ARHGAP11A: variants seen among roughly 807,000 people sequenced by gnomAD.
ARHGAP11A encodes the protein Rho GTPase activating protein 11A, also known as rho GTPase-activating protein 11A.
A neutral mutation model predicts 60.5 loss-of-function variants in ARHGAP11A; 36 were observed. That is an observed-to-expected ratio of 0.59 (90% CI 0.46 to 0.79). The LOEUF (loss-of-function observed/expected upper bound fraction) is 0.79, where lower values mean the gene tolerates loss of function less well. Among genes scored for constraint, ARHGAP11A ranks in the 30% least tolerant of loss-of-function variants. The pLI, the probability that ARHGAP11A is intolerant of heterozygous loss-of-function variation, is 0.00. For missense variants in ARHGAP11A, 1,071 were observed against 1,199.2 expected, an observed-to-expected ratio of 0.89 and a Z score of 1.58; for synonymous variants, 362 against 415.5, an observed-to-expected ratio of 0.87 and a Z score of 1.57.
In ARHGAP11A at chr15:32,636,276, GTC is replaced by G; in HGVS notation, c.1505_1506del (p.Ser502Ter). 6.2e-7 allele frequency: 1 copy of G among 1,605,838 alleles called. No individual in the cohort carries two copies. On this transcript the variant is annotated frameshift_variant, in exon 12 of 12. Coordinates refer to ENST00000361627, the MANE Select transcript of ARHGAP11A (RefSeq NM_014783.6). LOFTEE classifies it low-confidence loss of function (END_TRUNC). ...TTTTAGGTTCAGAAAAGATCAGTAAGTCTGAGGAAACCTTACTAACTCCAGAG... is the reference window on the plus strand; with the variant it reads ...TTTTAGGTTCAGAAAAGATCAGTAAGTGAGGAAACCTTACTAACTCCAGAG... ...PKKGSEKISK[S>X]EETLLTPERL...
chr15:32,616,400 T>G (rs1045264376), intron 1 of ARHGAP11A, 60 bp downstream of exon 1: 1 of 1,608,022 alleles, frequency 6.2e-7, no homozygotes, highest in Non-Finnish European at 8.5e-7. Flanking sequence ...TATCATCACT[T>G]ACTACCAGAT....
At chr15:32,636,082 A>T in intron 11 of ARHGAP11A, 167 bp downstream of exon 11, 1 of 1,375,426 alleles carries the variant, frequency 7.3e-7, no homozygotes, top group Non-Finnish European at 9.4e-7. Flanking sequence ...CAATTGGGAA[A>T]TGCTTATACA....
rs991063085 is a variant in ARHGAP11A at position 32,636,991 on chromosome 15, A to C, written c.2218A>C (p.Asn740His). Residue 740 changes from asparagine to histidine, a missense_variant, in exon 12 of 12, where the codon AAT (asparagine) becomes CAT (histidine). Asn to His is a moderately conservative substitution (Grantham distance 68, BLOSUM62 1). Around this residue, in one of 4 missense-constraint regions of ARHGAP11A, gnomAD observed 776 missense variants for 760.2 expected, o/e 1.02. Transcript: ENST00000361627. ...TAAACTAAATAATAAATTAAAAGAG[A>C]ATGAGAATATGATGGAAGGTAACTT... The part of the protein sequence containing the change: ...KDKLNNKLKE[N>H]ENMMEGNLPK... 6.2e-7 allele frequency: 1 copy of C among 1,610,720 alleles called. No individual in the cohort carries two copies. Among genetic ancestry groups the C allele is most frequent in the African/African-American group, 1.3e-5 (1 of 74,746 alleles).
chr15:32,633,944 G>A lies in ARHGAP11A; in HGVS notation c.1247G>A (p.Gly416Glu). The change falls in exon 10 of 12, where the codon GGA becomes GAA. Residue 416 changes from glycine to glutamate, a missense_variant. Gly to Glu is a moderately conservative substitution (Grantham distance 98). This residue lies in a region of ARHGAP11A where 776 missense variants were observed against 760.2 expected (regional missense o/e 1.02). Transcript: ENST00000361627. The part of the protein sequence containing the change: ...AGKKVCRVES[G>E]KAGCFSPKIS... The stretch of plus-strand genomic sequence containing the variant: ...TCCACTTCTTCTAGAGTGGAATCAG[G>A]AAAAGCAGGCTGCTTTTCTCCTAAA... The A allele has an allele frequency of 6.2e-7, 1 of 1,600,378 alleles. No individual in the cohort carries two copies. The highest frequency in any genetic ancestry group is 1.1e-5 in the South Asian group (1 of 88,090).
At chr15:32,630,641 C>G (rs900341401) in intron 8 of ARHGAP11A, among the ~76,000 whole-genome samples, 1 of 151,804 alleles carries the variant, frequency 6.6e-6, no homozygotes, top group Non-Finnish European at 1.5e-5. Flanking sequence ...ATATGAGTTC[C>G]TTCCCAAAGC....
rs1028512480 is a variant in ARHGAP11A, at chr15:32,639,517, C to T, written c.*1672C>T. ...TTTTTAAATTTTAAAAATGCATTAACGTCTTTTTATATCCATCAAGGGAAG... is the reference window on the plus strand; with the variant it reads ...TTTTTAAATTTTAAAAATGCATTAATGTCTTTTTATATCCATCAAGGGAAG... On this transcript the variant is annotated 3_prime_UTR_variant, in exon 12 of 12. Coordinates refer to ENST00000361627, the MANE Select transcript of ARHGAP11A (RefSeq NM_014783.6). 2.6e-5 allele frequency: 4 copies of T among 152,116 alleles called. No homozygotes were observed. The highest frequency in any genetic ancestry group is 6.6e-5 in the Admixed American group (1 of 15,264). 9.4% of individuals were successfully genotyped at this position (152,116 alleles called of 1,614,324 possible). A position where few individuals can be genotyped will look rare whatever the true frequency, so the allele number is the denominator to read the frequency against.
At chr15:32,632,448 G>A (rs28506002) in intron 8 of ARHGAP11A, among the ~76,000 whole-genome samples, 41,090 of 152,094 alleles carry the variant, frequency 0.27, 5,988 homozygotes, top group Middle Eastern at 0.35. Flanking sequence ...ACATTCCGGA[G>A]TCAGGTGGGT....
At chr15:32,622,434 A>T (rs866436794) in intron 2 of ARHGAP11A, among the ~76,000 whole-genome samples, 2 of 152,146 alleles carry the variant, frequency 1.3e-5, no homozygotes, top group Non-Finnish European at 2.9e-5. Flanking sequence ...TAAAAGAAAA[A>T]AAAAAGCAGA....
At chr15:32,617,609 C>G (rs964674260) in intron 1 of ARHGAP11A, among the ~76,000 whole-genome samples, 2 of 151,804 alleles carry the variant, frequency 1.3e-5, no homozygotes, top group Admixed American at 6.6e-5. Context: ...GTAGCTGGGA[C>G]TACAGGCGCC....
Position 32,639,813 on chromosome 15 carries a change from T to A in ARHGAP11A, c.*1968T>A, listed in dbSNP as rs1250044284. 6.6e-6 allele frequency: 1 copy of A among 152,218 alleles called. No individual in the cohort carries two copies. The highest frequency in any genetic ancestry group is 1.5e-5 in the Non-Finnish European group (1 of 68,030). 9.4% of individuals were successfully genotyped at this position (152,218 alleles called of 1,614,324 possible). ...TTTAATGCGTTTTTATTTTTTCTTA[T>A]ACAAAATAGAGATAATGTTGCTAAC... On this transcript the variant is annotated 3_prime_UTR_variant, in exon 12 of 12. Transcript: ENST00000361627.
chr15:32,635,959 C>T (rs1031514972), intron 11 of ARHGAP11A, 44 bp downstream of exon 11: 5 of 1,529,620 alleles, frequency 3.3e-6, no homozygotes, highest in Non-Finnish European at 4.4e-6. Context: ...AAAAATCCTG[C>T]TTTAGTTGCT....
At chr15:32,625,877 C>G (rs2053446799) in intron 6 of ARHGAP11A, among the ~76,000 whole-genome samples, 1 of 152,212 alleles carries the variant, frequency 6.6e-6, no homozygotes, top group South Asian at 2.1e-4. Flanking sequence ...TTATCAGGGA[C>G]TTGTCAAAGA....
At chr15:32,631,175 T>C (rs1419826892) in intron 8 of ARHGAP11A, among the ~76,000 whole-genome samples, 1 of 152,234 alleles carries the variant, frequency 6.6e-6, no homozygotes, top group Non-Finnish European at 1.5e-5. Context: ...TTCAACAAAT[T>C]CCATTTGCAA....
chr15:32,617,769 G>T (rs1371283368), intron 1 of ARHGAP11A, among the ~76,000 whole-genome samples: 1 of 152,080 alleles, frequency 6.6e-6, no homozygotes, highest in East Asian at 1.9e-4. Flanking sequence ...ACTGCACTCG[G>T]CCTTTTCACC....
rs772122169 is a variant in ARHGAP11A, at chr15:32,616,218, G to A, written c.7G>A (p.Asp3Asn). The change falls in exon 1 of 12, where the codon GAT (aspartate) becomes AAT (asparagine). Residue 3 changes from aspartate (D) to asparagine (N), a missense_variant. Around this residue, in one of 4 missense-constraint regions of ARHGAP11A, gnomAD observed 28 missense variants for 24.5 expected, o/e 1.14. Transcript: ENST00000361627. The part of the protein sequence containing the change: MW[D>N]QRLVRLALLQ... Reference sequence around the variant, plus strand: ...AGTTATCGACGTATCCGGAATGTGGGATCAGAGGCTGGTGAGGTTGGCCCT... The same window carrying A: ...AGTTATCGACGTATCCGGAATGTGGAATCAGAGGCTGGTGAGGTTGGCCCT... 5 of 1,614,148 alleles carry A rather than the reference G, an allele frequency of 3.1e-6. No individual in the cohort carries two copies. The highest frequency in any genetic ancestry group is 1.1e-5 in the South Asian group (1 of 91,076).
chr15:32,633,018 C>T lies in ARHGAP11A; in HGVS notation c.1145C>T (p.Ser382Leu). ...DTSSEGSSQS[S>L]LSPVLIGGNH... Reference sequence around the variant, plus strand: ...AGCTCAGAAGGGTCATCTCAGAGTTCACTCTCTCCTGTACTCATTGGTGGA... The same window carrying T: ...AGCTCAGAAGGGTCATCTCAGAGTTTACTCTCTCCTGTACTCATTGGTGGA... Residue 382 changes from serine to leucine, a missense_variant, in exon 9 of 12, where the codon TCA becomes TTA. Physicochemically the swap from Ser to Leu is moderately radical, Grantham distance 145. Around this residue, in one of 4 missense-constraint regions of ARHGAP11A, gnomAD observed 776 missense variants for 760.2 expected, o/e 1.02. Transcript: ENST00000361627. 6.2e-7 allele frequency: 1 copy of T among 1,613,922 alleles called. No homozygotes were observed. Among genetic ancestry groups the T allele is most frequent in the Non-Finnish European group, 8.5e-7 (1 of 1,179,842 alleles).
At chr15:32,617,832 G>C (rs2053198002) in intron 1 of ARHGAP11A, among the ~76,000 whole-genome samples, 1 of 152,142 alleles carries the variant, frequency 6.6e-6, no homozygotes, top group East Asian at 1.9e-4. Flanking sequence ...ACCTGAGTTT[G>C]AGTGCTGTTC....
chr15:32,629,080 G>A (rs1567055329), intron 7 of ARHGAP11A, among the ~76,000 whole-genome samples: 4 of 151,856 alleles, frequency 2.6e-5, no homozygotes, highest in South Asian at 2.1e-4. Flanking sequence ...GCTATTAAGC[G>A]TGTGAAAATA....
intron 8 of ARHGAP11A, among the ~76,000 whole-genome samples, chr15:32,631,116 C>T (rs966004052): frequency 1.8e-4 from 27 of 152,134 alleles, no homozygotes; most frequent in African/African-American, 5.6e-4. Context: ...CAATAGTAAT[C>T]GTATTATTTT....
Sources: allele counts gnomAD v4.1 joint callset (sites outside exome capture counted in the v4.1 genomes callset), GRCh38; gene constraint gnomAD v4.1.1; regional missense constraint gnomAD v4.1.1; transcripts MANE v1.5; gene names NCBI Gene and HGNC (gene_info 2026-07-23, HGNC 2026-07-21).